The following KLF17 variants were observed in gnomAD, a reference collection of about 807,000 sequenced individuals.
KLF17 encodes the protein Krueppel-like factor 17.
A neutral mutation model predicts 34.2 loss-of-function variants in KLF17; 31 were observed. That is an observed-to-expected ratio of 0.91 (90% CI 0.68 to 1.22). The LOEUF (loss-of-function observed/expected upper bound fraction) is 1.22, where lower values mean the gene tolerates loss of function less well. Among genes scored for constraint, KLF17 ranks in the 50% most tolerant of loss-of-function variants. The probability of loss-of-function intolerance (pLI) is 0.00; values close to 1 mark genes in which losing one functional copy is unlikely to be tolerated. For missense variants in KLF17, 478 were observed against 505.2 expected (o/e 0.95, Z 0.52); for synonymous variants, 179 against 186.7 (o/e 0.96, Z 0.34).
the KLF17 span, among the ~76,000 whole-genome samples, chr1:44,099,187 T>C: frequency 1.6e-4 from 24 of 151,240 alleles, no homozygotes; most frequent in African/African-American, 5.3e-4. Flanking sequence ...GAGGATTGCT[T>C]GAGTTCAGGA....
chr1:44,131,831 A>T lies in KLF17; in HGVS notation c.*1075A>T, dbSNP rs556195276. Among the ~76,000 whole-genome samples the T allele has an allele frequency of 2.0e-5, 3 of 152,250 alleles. No individual in the cohort carries two copies. The South Asian group carries it at 6.2e-4, about 32-fold the overall frequency. On this transcript the variant is annotated intron_variant, in intron 3 of 3. Coordinates refer to ENST00000372299, the MANE Select transcript of KLF17 (RefSeq NM_173484.4). ...TGCTTCAGCCTCCTGAATAGCTGGGATTACAGGCAAGCACCACCACACCCA... is the reference window on the plus strand; with the variant it reads ...TGCTTCAGCCTCCTGAATAGCTGGGTTTACAGGCAAGCACCACCACACCCA...
intron 3 of KLF17, among the ~76,000 whole-genome samples, chr1:44,132,744 G>A (rs1197604303): frequency 6.6e-6 from 1 of 152,122 alleles, no homozygotes. Context: ...ACCTTCCTTA[G>A]GTCCCTGGAC....
At chr1:44,071,882 G>A in the KLF17 span, among the ~76,000 whole-genome samples, 4 of 151,936 alleles carry the variant, frequency 2.6e-5, no homozygotes, top group South Asian at 2.1e-4. Context: ...TGTCTGCTCC[G>A]GTAGTAGTTA....
chr1:44,097,529 G>T, the KLF17 span, among the ~76,000 whole-genome samples: 1 of 151,938 alleles, frequency 6.6e-6, no homozygotes. Context: ...ACCATGGCAC[G>T]TGTATACCTA....
At chr1:44,055,949 A>G in the KLF17 span, among the ~76,000 whole-genome samples, 154 of 152,310 alleles carry the variant, frequency 1.0e-3, 1 homozygote, top group East Asian at 0.027. Context: ...CCTTACGAAT[A>G]TTTACCCATG....
chr1:44,114,887 G>A (rs2087865370), upstream of KLF17: 2 of 152,052 alleles, frequency 1.3e-5, no homozygotes, highest in South Asian at 4.2e-4. Context: ...ATTTTTATTA[G>A]CGATCCTTTA....
chr1:44,098,604 G>T, the KLF17 span, among the ~76,000 whole-genome samples: 1 of 138,942 alleles, frequency 7.2e-6, no homozygotes, highest in East Asian at 2.2e-4. Flanking sequence ...AGGCTGGAGT[G>T]CAGTGGCACG....
chr1:44,092,155 C>A, the KLF17 span, among the ~76,000 whole-genome samples: 7 of 151,994 alleles, frequency 4.6e-5, 1 homozygote, highest in South Asian at 1.5e-3. Flanking sequence ...CCAGCCTGAC[C>A]AACATGGAGA....
At chr1:44,106,585 C>A in the KLF17 span, 3 of 152,100 alleles carry the variant, frequency 2.0e-5, no homozygotes, top group Non-Finnish European at 4.4e-5. Flanking sequence ...CCCCAGATTC[C>A]CAGGAGAAAC....
the KLF17 span, among the ~76,000 whole-genome samples, chr1:44,109,944 G>C: frequency 8.3e-6 from 1 of 120,266 alleles, no homozygotes. Flanking sequence ...GTCTCACCCT[G>C]TCACCCAGGC....
chr1:44,123,299 C>T (rs1382807709), intron 1 of KLF17, among the ~76,000 whole-genome samples: 2 of 152,098 alleles, frequency 1.3e-5, no homozygotes, highest in African/African-American at 2.4e-5. Flanking sequence ...TGGCCTCAAG[C>T]GATCCACCTG....
At chr1:44,078,015 A>G in the KLF17 span, among the ~76,000 whole-genome samples, 1 of 152,228 alleles carries the variant, frequency 6.6e-6, no homozygotes, top group African/African-American at 2.4e-5. Flanking sequence ...TATTGATTAT[A>G]TATGCTGCAA....
the KLF17 span, chr1:44,045,002 C>G: frequency 6.6e-6 from 1 of 152,140 alleles, no homozygotes; most frequent in Non-Finnish European, 1.5e-5. Context: ...GCAGTGTTTC[C>G]CTGTTTCGGT....
chr1:44,073,570 A>C, the KLF17 span, among the ~76,000 whole-genome samples: 1 of 151,960 alleles, frequency 6.6e-6, no homozygotes, highest in Non-Finnish European at 1.5e-5. Context: ...TATTTCTGAG[A>C]TCGATCCAGT....
the KLF17 span, among the ~76,000 whole-genome samples, chr1:44,100,208 A>C: frequency 5.8e-3 from 883 of 151,138 alleles, 10 homozygotes; most frequent in African/African-American, 0.021. Context: ...CAGTGAGCCG[A>C]GATCACGCCA....
chr1:44,105,875 C>A, the KLF17 span, among the ~76,000 whole-genome samples: 1 of 152,096 alleles, frequency 6.6e-6, no homozygotes, highest in Admixed American at 6.6e-5. Context: ...TGGAAAGTGG[C>A]CTCTGCAGCC....
At chr1:44,081,590 A>AT in the KLF17 span, among the ~76,000 whole-genome samples, 5 of 150,858 alleles carry the variant, frequency 3.3e-5, no homozygotes, top group South Asian at 2.1e-4. Flanking sequence ...TAATTTTTGT[A>AT]TTTTTTTTCC....
chr1:44,080,466 C>A, the KLF17 span, among the ~76,000 whole-genome samples: 1 of 151,868 alleles, frequency 6.6e-6, no homozygotes, highest in Non-Finnish European at 1.5e-5. Context: ...TCTCCATCTC[C>A]TGACCTCGTG....
chr1:44,056,303 C>T, the KLF17 span, among the ~76,000 whole-genome samples: 1 of 152,186 alleles, frequency 6.6e-6, no homozygotes, highest in Admixed American at 6.5e-5. Context: ...CCCAGCAAGG[C>T]CCAGATCTCT....
Sources: allele counts gnomAD v4.1 joint callset (sites outside exome capture counted in the v4.1 genomes callset), GRCh38; gene constraint gnomAD v4.1.1; transcripts MANE v1.5; gene names NCBI Gene and HGNC (gene_info 2026-07-23, HGNC 2026-07-21).